UNC5A: variants seen among roughly 807,000 people sequenced by gnomAD.
The protein encoded by UNC5A is netrin receptor UNC5A.
A neutral mutation model predicts 87.4 loss-of-function variants in UNC5A; 20 were observed. The ratio of observed to expected loss-of-function variants is 0.23; its 90% confidence interval spans 0.16 to 0.33. The LOEUF (loss-of-function observed/expected upper bound fraction) is 0.33, where lower values mean the gene tolerates loss of function less well. Ranked by LOEUF, UNC5A falls within the 10% of genes least tolerant of loss-of-function variation. The pLI, the probability that UNC5A is intolerant of heterozygous loss-of-function variation, is 1.00. For missense variants in UNC5A, 844 were observed against 1,133.4 expected (o/e 0.74, Z 3.67); for synonymous variants, 438 against 482.3 (o/e 0.91, Z 1.20).
rs184053870 is a variant in UNC5A, at chr5:176,849,962, G to C, written c.71-12662G>C. Among the ~76,000 whole-genome samples, 47 of 152,362 alleles carry C rather than the reference G, an allele frequency of 3.1e-4. No homozygotes were observed. In the East Asian group the frequency reaches 8.9e-3, roughly 29 times the overall value. On this transcript the variant is annotated intron_variant, in intron 1 of 14. Coordinates refer to ENST00000329542, the MANE Select transcript of UNC5A (RefSeq NM_133369.3). ...CCCCCGACTTGCCAGCCCCTGAGCT[G>C]GACACTGCTGAGAAGAGTTGGCTCC...
In UNC5A at chr5:176,877,289, C is replaced by T. The variant is rs762618228; in HGVS notation, c.1466+10C>T. On this transcript the variant is annotated intron_variant, in intron 9 of 14. Coordinates refer to ENST00000329542, the MANE Select transcript of UNC5A (RefSeq NM_133369.3). ...AGCCGGAAGACGTGAGGTGTGGCCG[C>T]GGGCCCTGTTGCCGGGGGTGGGAGG... 1.5e-5 allele frequency: 24 copies of T among 1,609,364 alleles called. No individual in the cohort carries two copies. The highest frequency in any genetic ancestry group is 2.7e-5 in the African/African-American group (2 of 74,844).
chr5:176,832,485 C>T, intron 1 of UNC5A, among the ~76,000 whole-genome samples: 1 of 152,224 alleles, frequency 6.6e-6, no homozygotes, highest in East Asian at 1.9e-4. Context: ...TCATGCCTCA[C>T]TTTCCACATC....
chr5:176,868,331 A>G, intron 3 of UNC5A, 58 bp downstream of exon 3: 2 of 1,599,454 alleles, frequency 1.3e-6, no homozygotes, highest in African/African-American at 1.4e-5. Flanking sequence ...TCACCAGGAG[A>G]GGGGACAGTA....
rs1310231033 is a variant in UNC5A at position 176,824,131 on chromosome 5, C to T, written c.70+13311C>T. 2.6e-5 allele frequency among the ~76,000 whole-genome samples: 4 copies of T among 152,374 alleles called. No individual in the cohort carries two copies. Among genetic ancestry groups the T allele is most frequent in the East Asian group, 1.9e-4 (1 of 5,184 alleles). On this transcript the variant is annotated intron_variant, in intron 1 of 14. Coordinates refer to ENST00000329542, the MANE Select transcript of UNC5A (RefSeq NM_133369.3). The surrounding 1 kb of genome is among the most constrained non-coding windows in gnomAD (Gnocchi z 4.2). ...TGCCAGGGCTTCTCCCGCCTGGAGG[C>T]GGAGGTGCGGCCCCGATGCCTCCCG...
rs1326587907 is a variant in UNC5A at position 176,869,608 on chromosome 5, G to A, written c.721+644G>A. On this transcript the variant is annotated intron_variant, in intron 5 of 14. Transcript: ENST00000329542. The surrounding 1 kb of genome is among the most constrained non-coding windows in gnomAD (Gnocchi z 9.1). Reference sequence around the variant, plus strand: ...CCCTGACCCCAGTCCTTCTCTGTCCGGCCAGTGAACGGTGGGTGGTCGACG... The same window carrying A: ...CCCTGACCCCAGTCCTTCTCTGTCCAGCCAGTGAACGGTGGGTGGTCGACG... 8.6e-6 allele frequency: 6 copies of A among 698,668 alleles called. No individual in the cohort carries two copies. Among genetic ancestry groups the A allele is most frequent in the African/African-American group, 5.3e-5 (3 of 57,088 alleles). 43.3% of individuals were successfully genotyped at this position (698,668 alleles called of 1,614,324 possible).
At chr5:176,862,044 C>T (rs1035172638) in intron 1 of UNC5A, among the ~76,000 whole-genome samples, 1 of 152,242 alleles carries the variant, frequency 6.6e-6, no homozygotes, top group African/African-American at 2.4e-5. Flanking sequence ...CCCACATATT[C>T]AGGTCTCCTT....
chr5:176,819,425 G>A lies in UNC5A; in HGVS notation c.70+8605G>A, dbSNP rs182514808. On this transcript the variant is annotated intron_variant, in intron 1 of 14. Transcript: ENST00000329542. ...ATAATGGCACATGGAACTGAACTCA[G>A]GGGTGGCTGTGGCTTCAGGCATGGT... 2.7e-4 allele frequency among the ~76,000 whole-genome samples: 39 copies of A among 146,354 alleles called. No homozygotes were observed. The East Asian group carries it at 6.9e-3, about 26-fold the overall frequency.
At chr5:176,837,309 C>A (rs1281802026) in intron 1 of UNC5A, among the ~76,000 whole-genome samples, 1 of 152,226 alleles carries the variant, frequency 6.6e-6, no homozygotes, top group Non-Finnish European at 1.5e-5. Context: ...CCTTGCCTGG[C>A]AGTGCCCATG....
At chr5:176,826,654 T>G (rs994757765) in intron 1 of UNC5A, among the ~76,000 whole-genome samples, 4 of 148,232 alleles carry the variant, frequency 2.7e-5, no homozygotes, top group African/African-American at 1.0e-4. Context: ...TTTTTTTTTT[T>G]TTTTTTGAGA....
In UNC5A at chr5:176,878,585, G is replaced by A. The variant is rs765965964; in HGVS notation, c.2130G>A (p.Val710=). ...STSDLACKLW[V]WQVEGDGQSF... is the part of the protein sequence containing the mutation. ...GTGACCTGGCCTGCAAGCTGTGGGT[G>A]TGGCAGGTGGAGGGCGACGGGCAGA... The change falls in exon 13 of 15, where the codon GTG becomes GTA. Residue 710 remains valine, a synonymous_variant. Coordinates refer to ENST00000329542, the MANE Select transcript of UNC5A (RefSeq NM_133369.3). 5 of 1,612,844 alleles carry A rather than the reference G, an allele frequency of 3.1e-6. No homozygotes were observed. The highest frequency in any genetic ancestry group is 1.3e-5 in the African/African-American group (1 of 74,924).
rs1757279844 is a variant in UNC5A at position 176,841,692 on chromosome 5, C to G, written c.71-20932C>G. Among the ~76,000 whole-genome samples, 1 of 152,230 alleles carries G rather than the reference C, an allele frequency of 6.6e-6. No individual in the cohort carries two copies. Among genetic ancestry groups the G allele is most frequent in the Non-Finnish European group, 1.5e-5 (1 of 68,038 alleles). The stretch of plus-strand genomic sequence containing the variant: ...AATCCCTCTCTCTAGAGAAGTCCCA[C>G]TCCCAAGAGAAGTAAAGATATATGT... On this transcript the variant is annotated intron_variant, in intron 1 of 14. Transcript: ENST00000329542. This position sits in a 1 kb window ranked among gnomAD's most constrained non-coding sequence, Gnocchi z 4.1.
Position 176,869,461 on chromosome 5 carries a change from C to T in UNC5A, c.721+497C>T, listed in dbSNP as rs1406852375. ...TGCAGGGCCCGGGGGCCAGCAGGCACGAGCATGGCCTCCCCCAGGCCTTCT... is the reference window on the plus strand; with the variant it reads ...TGCAGGGCCCGGGGGCCAGCAGGCATGAGCATGGCCTCCCCCAGGCCTTCT... On this transcript the variant is annotated intron_variant, in intron 5 of 14. Coordinates refer to ENST00000329542, the MANE Select transcript of UNC5A (RefSeq NM_133369.3). The surrounding 1 kb of genome is among the most constrained non-coding windows in gnomAD (Gnocchi z 9.1). 2.0e-5 allele frequency among the ~76,000 whole-genome samples: 3 copies of T among 152,106 alleles called. No homozygotes were observed. The highest frequency in any genetic ancestry group is 2.9e-5 in the Non-Finnish European group (2 of 67,982).
At chr5:176,856,358 G>C (rs1466110578) in intron 1 of UNC5A, among the ~76,000 whole-genome samples, 2 of 152,186 alleles carry the variant, frequency 1.3e-5, no homozygotes, top group Non-Finnish European at 2.9e-5. Context: ...CACTCCGCCT[G>C]TGGGCTGCTC....
Position 176,844,726 on chromosome 5 carries a change from C to T in UNC5A, c.71-17898C>T, listed in dbSNP as rs559580331. On this transcript the variant is annotated intron_variant, in intron 1 of 14. Transcript: ENST00000329542. The surrounding 1 kb of genome is among the most constrained non-coding windows in gnomAD (Gnocchi z 4.2). Reference sequence around the variant, plus strand: ...CCAGGGGTCTGTGGACCACAGTTCACAGCCTCCTATTGTTCCAGTTGGAAC... The same window carrying T: ...CCAGGGGTCTGTGGACCACAGTTCATAGCCTCCTATTGTTCCAGTTGGAAC... 3.3e-5 allele frequency among the ~76,000 whole-genome samples: 5 copies of T among 152,346 alleles called. No homozygotes were observed. The South Asian group carries it at 6.2e-4, about 19-fold the overall frequency.
intron 1 of UNC5A, among the ~76,000 whole-genome samples, chr5:176,855,272 G>A (rs533325593): frequency 2.0e-5 from 3 of 152,350 alleles, no homozygotes; most frequent in South Asian, 2.1e-4. Flanking sequence ...GAGGGCCCCC[G>A]GCAACTCCAG....
At chr5:176,829,455 T>G in intron 1 of UNC5A, among the ~76,000 whole-genome samples, 1 of 117,636 alleles carries the variant, frequency 8.5e-6, no homozygotes, top group African/African-American at 3.5e-5. Flanking sequence ...ATAAAGTGGG[T>G]GGATGGTTGG....
rs1758045812 is a variant in UNC5A, at chr5:176,869,065, A to G, written c.721+101A>G. 8.3e-6 allele frequency: 11 copies of G among 1,329,798 alleles called. No individual in the cohort carries two copies. Among genetic ancestry groups the G allele is most frequent in the Admixed American group, 2.5e-5 (1 of 40,656 alleles). The allele number at this position is 1,329,798 out of a possible 1,614,324, so 82.4% of individuals were successfully genotyped here. A position where few individuals can be genotyped will look rare whatever the true frequency, so the allele number is the denominator to read the frequency against. ...GAAGAGAGGCCATGAGGCCAAAGCC[A>G]GGTGGACCAGATCGTGCCTGACTAG... On this transcript the variant is annotated intron_variant, in intron 5 of 14. Coordinates refer to ENST00000329542, the MANE Select transcript of UNC5A (RefSeq NM_133369.3). The surrounding 1 kb of genome is among the most constrained non-coding windows in gnomAD (Gnocchi z 9.1).
At chr5:176,828,703 C>G (rs1252140667) in intron 1 of UNC5A, among the ~76,000 whole-genome samples, 1 of 152,204 alleles carries the variant, frequency 6.6e-6, no homozygotes, top group African/African-American at 2.4e-5. Context: ...TTCTGTACCA[C>G]CCCCAGTTAA....
In UNC5A at chr5:176,870,400, G is replaced by C; in HGVS notation, c.752G>C (p.Trp251Ser). 1 of 1,612,098 alleles carries C rather than the reference G, an allele frequency of 6.2e-7. No individual in the cohort carries two copies. Among genetic ancestry groups the C allele is most frequent in the Non-Finnish European group, 8.5e-7 (1 of 1,179,644 alleles). ...VDGSWSPWSK[W>S]SACGLDCTHW... is the part of the protein sequence containing the mutation. ...GGCAGCTGGAGCCCGTGGAGCAAGT[G>C]GTCGGCCTGTGGGCTGGACTGCACC... Residue 251 changes from tryptophan (W) to serine (S), a missense_variant, in exon 6 of 15, where the codon TGG becomes TCG. By Grantham distance (177) the Trp-to-Ser change is radical. Transcript: ENST00000329542.
Sources: allele counts gnomAD v4.1 joint callset (sites outside exome capture counted in the v4.1 genomes callset), GRCh38; gene constraint gnomAD v4.1.1; non-coding constraint Gnocchi (gnomAD v3.1); transcripts MANE v1.5; gene names NCBI Gene and HGNC (gene_info 2026-07-23, HGNC 2026-07-21).